The following PCDH15 variants were observed in gnomAD, a reference collection of about 807,000 sequenced individuals.
The protein encoded by PCDH15 is protocadherin-15.
In PCDH15, 129 loss-of-function variants were observed where a neutral mutation model predicts 178.5. The ratio of observed to expected loss-of-function variants is 0.72; its 90% confidence interval spans 0.63 to 0.84. PCDH15 has a LOEUF of 0.84. Ranked by LOEUF, PCDH15 falls within the 40% of genes least tolerant of loss-of-function variation. The pLI is 0.00. For missense variants in PCDH15, 2,230 were observed against 2,099.9 expected, an observed-to-expected ratio of 1.06 and a Z score of -1.21; for synonymous variants, 800 against 732.0, an observed-to-expected ratio of 1.09 and a Z score of -1.50.
intron 2 of PCDH15, among the ~76,000 whole-genome samples, chr10:55,068,850 C>A (rs944635878): frequency 6.6e-6 from 1 of 151,574 alleles, no homozygotes; most frequent in Non-Finnish European, 1.5e-5. Flanking sequence ...TGAGTAAGTT[C>A]TCTTTTTTGT....
intron 3 of PCDH15, among the ~76,000 whole-genome samples, chr10:54,862,923 A>G (rs1322115094): frequency 6.6e-6 from 1 of 152,174 alleles, no homozygotes; most frequent in Non-Finnish European, 1.5e-5. Context: ...AGTAACACAA[A>G]ATTAACAGAG....
chr10:54,242,135 TA>T (rs2055405003), intron 8 of PCDH15, among the ~76,000 whole-genome samples: 3 of 3,290 alleles, frequency 9.1e-4, no homozygotes, highest in East Asian at 9.3e-3. Flanking sequence ...TATTTTTATA[TA>T]TATATATATA....
At chr10:54,186,891 T>C (rs2048523777) in intron 11 of PCDH15, among the ~76,000 whole-genome samples, 1 of 152,044 alleles carries the variant, frequency 6.6e-6, no homozygotes, top group South Asian at 2.1e-4. Context: ...TTCTGAATGA[T>C]ATTTTAAGCA....
chr10:54,189,326 A>G, intron 11 of PCDH15: 2 of 1,547,494 alleles, frequency 1.3e-6, no homozygotes, highest in South Asian at 2.4e-5. Flanking sequence ...ACAGCAATTA[A>G]CAAAAGAACA....
intron 14 of PCDH15, among the ~76,000 whole-genome samples, chr10:54,152,662 TAGC>T (rs1203341280): frequency 1.3e-5 from 2 of 152,054 alleles, no homozygotes; most frequent in African/African-American, 4.8e-5. Context: ...GCAATTGTAA[TAGC>T]AGGAAATCTT....
intron 23 of PCDH15, among the ~76,000 whole-genome samples, chr10:53,953,113 T>C (rs2087246914): frequency 1.3e-5 from 2 of 152,362 alleles, no homozygotes; most frequent in South Asian, 4.1e-4. Flanking sequence ...GCAGAGTGCA[T>C]AGCCCCAGCT....
At position 54,212,574 on chromosome 10, in the gene PCDH15, G is replaced by A. The variant is rs572406735; in HGVS notation, c.1098+1362C>T. Among the ~76,000 whole-genome samples, 5 of 152,142 alleles carry A rather than the reference G, an allele frequency of 3.3e-5. No homozygotes were observed. The South Asian group carries it at 8.3e-4, about 25-fold the overall frequency. ...GTGATCTCCAGAAAATCTTCCCTGA[G>A]TTTCCAGATTAATTTAAATGTCCCT... On this transcript the variant is annotated intron_variant, in intron 10 of 37. Coordinates refer to ENST00000644397, the MANE Select transcript of PCDH15 (RefSeq NM_001384140.1).
chr10:54,760,447 A>C (rs1341275139), intron 1 of PCDH15, among the ~76,000 whole-genome samples: 1 of 152,144 alleles, frequency 6.6e-6, no homozygotes, highest in Admixed American at 6.5e-5. Context: ...GCCTCATCTA[A>C]TGTGTTAACA....
chr10:55,466,706 T>C (rs190818373), intron 2 of PCDH15, among the ~76,000 whole-genome samples: 170 of 152,190 alleles, frequency 1.1e-3, no homozygotes, highest in Middle Eastern at 6.8e-3. Flanking sequence ...GAGATGACCA[T>C]GGAAGATACA....
At chr10:54,792,201 G>T (rs549044073) in intron 1 of PCDH15, among the ~76,000 whole-genome samples, 2 of 151,974 alleles carry the variant, frequency 1.3e-5, no homozygotes, top group African/African-American at 2.4e-5. Context: ...AAAAATGGTG[G>T]TCTAAAAACA....
Position 53,938,814 on chromosome 10 carries a change from C to A in PCDH15, c.3373+1G>T. ...TAAAAGCTTTAAGTAGTATAACTTA[C>A]TTTTTGAAGGAACTCGGAGATTGGC... On this transcript the variant is annotated splice_donor_variant, in intron 25 of 37. Coordinates refer to ENST00000644397, the MANE Select transcript of PCDH15 (RefSeq NM_001384140.1). LOFTEE classifies it high-confidence loss of function. 1 of 1,612,716 alleles carries A rather than the reference C, an allele frequency of 6.2e-7. No homozygotes were observed. The highest frequency in any genetic ancestry group is 8.5e-7 in the Non-Finnish European group (1 of 1,179,494).
chr10:55,307,337 T>C (rs1328350952), intron 1 of PCDH15, among the ~76,000 whole-genome samples: 1 of 151,540 alleles, frequency 6.6e-6, no homozygotes, highest in Non-Finnish European at 1.5e-5. Context: ...CTGTCTCCAC[T>C]AAAAATACAA....
At chr10:55,528,762 A>G (rs1841373168) in intron 2 of PCDH15, among the ~76,000 whole-genome samples, 2 of 152,080 alleles carry the variant, frequency 1.3e-5, no homozygotes. Flanking sequence ...CGGCTGGGTC[A>G]AATAGTATTT....
intron 3 of PCDH15, among the ~76,000 whole-genome samples, chr10:54,860,036 G>T (rs1230992699): frequency 6.6e-6 from 1 of 151,890 alleles, no homozygotes; most frequent in South Asian, 2.1e-4. Flanking sequence ...AAGCAAAAAT[G>T]GTTTGTTTCT....
At chr10:54,370,917 A>C (rs1203753484) in intron 4 of PCDH15, among the ~76,000 whole-genome samples, 1 of 151,832 alleles carries the variant, frequency 6.6e-6, no homozygotes, top group East Asian at 1.9e-4. Context: ...TGTCTGAATG[A>C]TGCTACCTAG....
intron 35 of PCDH15, among the ~76,000 whole-genome samples, chr10:53,814,018 A>G (rs2075973138): frequency 6.6e-6 from 1 of 152,162 alleles, no homozygotes; most frequent in African/African-American, 2.4e-5. Context: ...AATGAGGTTA[A>G]GAAAGACCTG....
chr10:54,284,604 T>G (rs930557358), intron 8 of PCDH15, among the ~76,000 whole-genome samples: 6 of 152,166 alleles, frequency 3.9e-5, no homozygotes, highest in Admixed American at 1.3e-4. Flanking sequence ...TTTCACAGAA[T>G]AAGTAATACT....
chr10:55,093,054 AT>A (rs1842356223), intron 2 of PCDH15, among the ~76,000 whole-genome samples: 1 of 152,106 alleles, frequency 6.6e-6, no homozygotes, highest in Non-Finnish European at 1.5e-5. Context: ...GTGGTACCAG[AT>A]AAAATACCAC....
chr10:55,202,543 T>C (rs1464128811), intron 1 of PCDH15, among the ~76,000 whole-genome samples: 1 of 152,086 alleles, frequency 6.6e-6, no homozygotes, highest in Admixed American at 6.5e-5. Context: ...ATTAATTGCC[T>C]CCACCTATTG....
Sources: gnomAD v4.1 joint callset for allele counts (sites outside exome capture counted in the v4.1 genomes callset) on GRCh38, gnomAD v4.1.1 for gene constraint, MANE v1.5 for transcripts, NCBI Gene and HGNC (gene_info 2026-07-23, HGNC 2026-07-21) for gene names.